The following GCNT1 variants were observed in gnomAD, a reference collection of about 807,000 sequenced individuals.
The protein encoded by GCNT1 is glucosaminyl (N-acetyl) transferase 1.
GCNT1 carries 16 observed loss-of-function variants against 26.2 expected under a neutral mutation model. The ratio of observed to expected loss-of-function variants is 0.61; its 90% CI spans 0.41 to 0.93. GCNT1 has a LOEUF of 0.93. GCNT1 is among the 40% of genes least tolerant of loss of function. GCNT1 has a pLI of 0.00. For missense variants in GCNT1, 477 were observed against 526.7 expected (o/e 0.91, Z 0.92); for synonymous variants, 183 against 190.8 (o/e 0.96, Z 0.34).
chr9:76,398,632 T>A, the GCNT1 span: 2 of 883,320 alleles, frequency 2.3e-6, no homozygotes, highest in Non-Finnish European at 3.6e-6. Flanking sequence ...CTTTCCGCGC[T>A]ACCTACAGAG....
At chr9:76,486,166 C>T (rs1462419676) in intron 2 of GCNT1, among the ~76,000 whole-genome samples, 1 of 152,178 alleles carries the variant, frequency 6.6e-6, no homozygotes, top group African/African-American at 2.4e-5. Context: ...GCCTCAGTTT[C>T]CTTATCTGGA....
At chr9:76,405,319 G>C in the GCNT1 span, among the ~76,000 whole-genome samples, 1 of 123,284 alleles carries the variant, frequency 8.1e-6, no homozygotes, top group Admixed American at 8.2e-5. Context: ...ACACACACAG[G>C]CTTCCTCACT....
chr9:76,395,385 A>G, the GCNT1 span, among the ~76,000 whole-genome samples: 1 of 151,990 alleles, frequency 6.6e-6, no homozygotes, highest in African/African-American at 2.4e-5. Flanking sequence ...GTCTCTTTCT[A>G]CCTTACATGT....
At chr9:76,404,514 C>T in the GCNT1 span, among the ~76,000 whole-genome samples, 1 of 152,142 alleles carries the variant, frequency 6.6e-6, no homozygotes, top group Non-Finnish European at 1.5e-5. Flanking sequence ...AAGCCCATTT[C>T]CTCTCCCCAC....
At chr9:76,423,841 T>C (rs556200396) in intron 1 of GCNT1, among the ~76,000 whole-genome samples, 1 of 152,228 alleles carries the variant, frequency 6.6e-6, no homozygotes, top group African/African-American at 2.4e-5. Context: ...ATTGAGATAG[T>C]ATCCTTTTTG....
chr9:76,501,104 T>C (rs1206352467), intron 3 of GCNT1, 43 bp downstream of exon 3: 1 of 152,232 alleles, frequency 6.6e-6, no homozygotes, highest in Non-Finnish European at 1.5e-5. Context: ...TTTATATTAA[T>C]GATGGTCAGT....
chr9:76,398,443 A>G, the GCNT1 span, among the ~76,000 whole-genome samples: 1 of 152,266 alleles, frequency 6.6e-6, no homozygotes, highest in Non-Finnish European at 1.5e-5. Context: ...ATGTAGAGCA[A>G]CAGGAACTTT....
chr9:76,498,773 C>CAAAAAAAAAAAAAAAAAAAAA (rs1169273731), intron 2 of GCNT1, among the ~76,000 whole-genome samples: 1 of 39,402 alleles, frequency 2.5e-5, no homozygotes, highest in Non-Finnish European at 6.8e-5. Context: ...AATTCCAGCT[C>CAAAAAAAAAAAAAAAAAAAAA]AAAAAAAAAA....
At chr9:76,405,145 G>T in the GCNT1 span, among the ~76,000 whole-genome samples, 1 of 152,178 alleles carries the variant, frequency 6.6e-6, no homozygotes, top group Non-Finnish European at 1.5e-5. Flanking sequence ...GAGGTGGTTT[G>T]TTCTACAAAA....
intron 2 of GCNT1, among the ~76,000 whole-genome samples, chr9:76,485,512 C>A (rs1564241708): frequency 6.6e-6 from 1 of 152,120 alleles, no homozygotes; most frequent in Non-Finnish European, 1.5e-5. Flanking sequence ...TAATTCTGAA[C>A]TCTACCTTAG....
the GCNT1 span, among the ~76,000 whole-genome samples, chr9:76,396,475 AAAG>A: frequency 6.6e-6 from 1 of 151,988 alleles, no homozygotes; most frequent in East Asian, 1.9e-4. Context: ...AAAAGAAAGA[AAAG>A]AAAAGAAACA....
At chr9:76,420,534 C>T (rs1366125744) in intron 1 of GCNT1, 1 of 152,240 alleles carries the variant, frequency 6.6e-6, no homozygotes, top group Non-Finnish European at 1.5e-5. Flanking sequence ...CTCAGCCTCC[C>T]ATTTAGCTGG....
chr9:76,461,938 C>G (rs1016845084), intron 2 of GCNT1, among the ~76,000 whole-genome samples: 2 of 152,168 alleles, frequency 1.3e-5, no homozygotes, highest in African/African-American at 2.4e-5. Context: ...CATGCATCAT[C>G]TGTTTGCAAA....
chr9:76,455,791 G>A (rs1219220056), upstream of GCNT1, among the ~76,000 whole-genome samples: 1 of 152,024 alleles, frequency 6.6e-6, no homozygotes, highest in Admixed American at 6.6e-5. Flanking sequence ...TAGTAGAGAC[G>A]GGGTTTCGCC....
In GCNT1 at chr9:76,427,939, G is replaced by A. The variant is rs139533946; in HGVS notation, n.38+8052G>A. On this transcript the variant is annotated intron_variant and non_coding_transcript_variant, in intron 1 of 3. Coordinates refer to the GCNT1 transcript ENST00000488136. ...GGAAGTTGCAGTGAGCCAAGATCAC[G>A]CCACTGTAATCCAGACTGGGCAACA... Among the ~76,000 whole-genome samples the A allele has an allele frequency of 2.6e-3, 400 of 152,124 alleles. 1 individual carries two copies. The highest frequency in any genetic ancestry group is 9.3e-3 in the African/African-American group (386 of 41,508).
chr9:76,435,022 G>A (rs564125106), intron 1 of GCNT1, among the ~76,000 whole-genome samples: 17 of 152,248 alleles, frequency 1.1e-4, no homozygotes, highest in African/African-American at 3.9e-4. Context: ...AAGACAATAC[G>A]TGCACAGCTG....
chr9:76,459,562 C>T (rs1304478957), intron 1 of GCNT1, among the ~76,000 whole-genome samples: 2 of 152,222 alleles, frequency 1.3e-5, no homozygotes, highest in Non-Finnish European at 2.9e-5. Context: ...AAGTCACTTT[C>T]TGGCCTCTTG....
At chr9:76,450,821 CTTTG>C (rs1368831815) in intron 1 of GCNT1, among the ~76,000 whole-genome samples, 1 of 152,068 alleles carries the variant, frequency 6.6e-6, no homozygotes, top group African/African-American at 2.4e-5. Flanking sequence ...TGACTTTTAA[CTTTG>C]TTTATGATAT....
intron 2 of GCNT1, among the ~76,000 whole-genome samples, chr9:76,475,052 C>T (rs1587435898): frequency 1.3e-5 from 2 of 152,208 alleles, no homozygotes; most frequent in African/African-American, 4.8e-5. Context: ...GCTGGGATTA[C>T]AGGTGCCCGC....
Sources: gnomAD v4.1 joint callset for allele counts (sites outside exome capture counted in the v4.1 genomes callset) on GRCh38, gnomAD v4.1.1 for gene constraint, MANE v1.5 for transcripts, NCBI Gene and HGNC (gene_info 2026-07-23, HGNC 2026-07-21) for gene names.